The following RP1L1 variants were observed in gnomAD, a reference collection of about 807,000 sequenced individuals.
RP1L1 encodes retinitis pigmentosa 1-like 1 protein.
In RP1L1, 27 loss-of-function variants were observed where a neutral mutation model predicts 15.7. The ratio of observed to expected loss-of-function variants is 1.72; its 90% CI spans 1.27 to 2.38. The LOEUF (loss-of-function observed/expected upper bound fraction) is 2.38, where lower values mean the gene tolerates loss of function less well. Among genes scored for constraint, RP1L1 ranks in the 30% most tolerant of loss-of-function variants. RP1L1 has a pLI of 0.00. For synonymous variants in RP1L1, 1,813 were observed against 1,276.7 expected, an observed-to-expected ratio of 1.42 and a Z score of -8.96; for missense variants, 4,798 against 3,075.9, an observed-to-expected ratio of 1.56 and a Z score of -13.24.
At chr8:10,633,055 G>A (rs1458470884) in intron 1 of RP1L1, among the ~76,000 whole-genome samples, 4 of 152,204 alleles carry the variant, frequency 2.6e-5, no homozygotes, top group Non-Finnish European at 4.4e-5. Context: ...GAAGAGACAT[G>A]GGCAGTGTCC....
chr8:10,630,375 T>C (rs200790800), intron 1 of RP1L1, among the ~76,000 whole-genome samples: 2 of 152,324 alleles, frequency 1.3e-5, no homozygotes, highest in East Asian at 3.9e-4. Context: ...AGAGCTGAGT[T>C]CCAGGACTGT....
Position 10,609,248 on chromosome 8 carries a change from G to A in RP1L1, c.4850C>T (p.Ser1617Leu), listed in dbSNP as rs1468677540. The A allele has an allele frequency of 6.8e-6, 11 of 1,608,832 alleles. No individual in the cohort carries two copies. Among genetic ancestry groups the A allele is most frequent in the South Asian group, 1.1e-5 (1 of 91,026 alleles). The change falls in exon 4 of 4, where the codon TCG becomes TTG. Residue 1617 changes from serine to leucine, a missense_variant. Ser to Leu is a moderately radical substitution (Grantham distance 145). Coordinates refer to ENST00000382483, the MANE Select transcript of RP1L1 (RefSeq NM_178857.6). Reference protein sequence around the residue: ...RHRLRGLRNLSAFSERTLGLG... With the variant: ...RHRLRGLRNLLAFSERTLGLG... ...GCCCAGGGTCCGCTCAGAGAAGGCC[G>A]AGAGGTTTCGCAGGCCCCGGAGACG...
In RP1L1 at chr8:10,637,918, G is replaced by A. The variant is rs185461556; in HGVS notation, c.-19-14698C>T. On this transcript the variant is annotated intron_variant, in intron 1 of 3. Transcript: ENST00000382483. ...GGACTCTGTATCCTTCTGATAAGGA[G>A]CTAGTTCTTGGGACAGCCCCACCCT... is the stretch of plus-strand genomic sequence containing the variant. Among the ~76,000 whole-genome samples the A allele has an allele frequency of 3.2e-4, 48 of 152,332 alleles. 2 individuals are homozygous for A. Among genetic ancestry groups the A allele is most frequent in the Admixed American group, 2.5e-3 (38 of 15,300 alleles).
Position 10,613,066 on chromosome 8 carries a change from G to C in RP1L1, c.1032C>G (p.Gly344=). 1 of 1,613,680 alleles carries C rather than the reference G, an allele frequency of 6.2e-7. No homozygotes were observed. ...TGGCTGCCGTGAGGGCGCTGGCCCT[G>C]CCCATCCTCCGGGACCATAGGAGCG... ...EDTLLWSRRM[G]RASALTAASG... The change falls in exon 4 of 4, where the codon GGC becomes GGG. Residue 344 remains glycine, a synonymous_variant. Transcript: ENST00000382483.
chr8:10,619,161 T>A (rs1798019094), intron 2 of RP1L1, among the ~76,000 whole-genome samples: 1 of 152,210 alleles, frequency 6.6e-6, no homozygotes. Context: ...TGAGCCACCA[T>A]GACTGGCCCA....
Position 10,610,555 on chromosome 8 carries a change from C to A in RP1L1, c.3543G>T (p.Leu1181=). ...GLWELTWSQA[L]PDLGSHAMTE... The stretch of plus-strand genomic sequence containing the variant: ...TCATGGCATGGGACCCAAGGTCTGG[C>A]AGAGCCTGGCTCCATGTGAGCTCCC... Residue 1181 remains leucine (L), a synonymous_variant, in exon 4 of 4, where the codon CTG becomes CTT. Coordinates refer to ENST00000382483, the MANE Select transcript of RP1L1 (RefSeq NM_178857.6). The A allele has an allele frequency of 6.2e-7, 1 of 1,613,728 alleles. No homozygotes were observed. The highest frequency in any genetic ancestry group is 1.1e-5 in the South Asian group (1 of 91,076).
chr8:10,637,401 G>A (rs1798345941), intron 1 of RP1L1, among the ~76,000 whole-genome samples: 1 of 152,164 alleles, frequency 6.6e-6, no homozygotes, highest in African/African-American at 2.4e-5. Flanking sequence ...GTAGGGGCCA[G>A]AAAACTCCTC....
rs764856571 is a variant in RP1L1, at chr8:10,613,119, C to G, written c.979G>C (p.Val327Leu). 1.9e-6 allele frequency: 3 copies of G among 1,613,960 alleles called. No homozygotes were observed. Among genetic ancestry groups the G allele is most frequent in the Non-Finnish European group, 2.5e-6 (3 of 1,180,040 alleles). Reference protein sequence around the residue: ...EDGSLSVEMKVRFHLVGEDTL... With the variant: ...EDGSLSVEMKLRFHLVGEDTL... ...TCCTCGCCGACCAGGTGGAAGCGGACTTTCATCTCCACGGACAGGCTGCCG... is the reference window on the plus strand; with the variant it reads ...TCCTCGCCGACCAGGTGGAAGCGGAGTTTCATCTCCACGGACAGGCTGCCG... Residue 327 changes from valine to leucine, a missense_variant, in exon 4 of 4, where the codon GTC becomes CTC. Coordinates refer to ENST00000382483, the MANE Select transcript of RP1L1 (RefSeq NM_178857.6).
rs751906682 is a variant in RP1L1 at position 10,609,041 on chromosome 8, G to A, written c.5057C>T (p.Ala1686Val). 12 of 1,613,664 alleles carry A rather than the reference G, an allele frequency of 7.4e-6. No homozygotes were observed. The African/African-American group carries it at 9.3e-5, about 13-fold the overall frequency. The part of the protein sequence containing the change: ...MGATRGPIKE[A>V]FDLQQILQRK... ...CTGCAGAATCTGCTGCAGGTCAAAG[G>A]CCTCTTTGATGGGACCTCTGGTTGC... Residue 1686 changes from alanine (A) to valine (V), a missense_variant, in exon 4 of 4, where the codon GCC (alanine) becomes GTC (valine). Ala to Val is a moderately conservative substitution (Grantham distance 64). Transcript: ENST00000382483.
chr8:10,607,265 G>T lies in RP1L1; in HGVS notation c.6833C>A (p.Thr2278Asn), dbSNP rs1198999672. 1 of 1,614,080 alleles carries T rather than the reference G, an allele frequency of 6.2e-7. No homozygotes were observed. The highest frequency in any genetic ancestry group is 8.5e-7 in the Non-Finnish European group (1 of 1,180,002). ...SSSPVPEDRP[T>N]PPPSPGGDTP... is the part of the protein sequence containing the mutation. ...GTCTCCACCTGGGGAAGGGGGTGGA[G>T]TGGGCCTGTCCTCAGGGACTGGGCT... is the stretch of plus-strand genomic sequence containing the variant. Residue 2278 changes from threonine (T) to asparagine (N), a missense_variant, in exon 4 of 4, where the codon ACT (threonine) becomes AAT (asparagine). Thr to Asn is a moderately conservative substitution (Grantham distance 65). Transcript: ENST00000382483.
In RP1L1 at chr8:10,609,583, C is replaced by T. The variant is rs369405979; in HGVS notation, c.4515G>A (p.Ser1505=). 2.4e-5 allele frequency: 39 copies of T among 1,603,812 alleles called. No individual in the cohort carries two copies. Among genetic ancestry groups the T allele is most frequent in the African/African-American group, 1.7e-4 (13 of 74,872 alleles). ...AGTCCAGAGCCGCGCTGCAGGCCAC[C>T]GAAGAGCTCCTCTCTGCAGCCCCCT... ...PTQGAAERSS[S]VACSAALDCD... is the part of the protein sequence containing the mutation. The change falls in exon 4 of 4, where the codon TCG becomes TCA. Residue 1505 remains serine, a synonymous_variant. Transcript: ENST00000382483.
chr8:10,619,437 A>G (rs578147662), intron 2 of RP1L1, among the ~76,000 whole-genome samples: 1 of 152,292 alleles, frequency 6.6e-6, no homozygotes, highest in East Asian at 1.9e-4. Context: ...GATCCCAGCA[A>G]TGGTGGGGTA....
chr8:10,628,596 G>T (rs948993057), intron 1 of RP1L1, among the ~76,000 whole-genome samples: 4 of 152,148 alleles, frequency 2.6e-5, no homozygotes, highest in African/African-American at 9.7e-5. Context: ...GGAGCTCTGG[G>T]CTGGCCATGG....
At position 10,609,063 on chromosome 8, in the gene RP1L1, T is replaced by C. The variant is rs747943886; in HGVS notation, c.5035A>G (p.Thr1679Ala). 1.2e-6 allele frequency: 2 copies of C among 1,613,784 alleles called. No homozygotes were observed. The highest frequency in any genetic ancestry group is 2.2e-5 in the East Asian group (1 of 44,852). ...AAGGCCTCTTTGATGGGACCTCTGG[T>C]TGCCCCCATTGTGGCCTTGGGGGAC... ...PMSPKATMGA[T>A]RGPIKEAFDL... is the part of the protein sequence containing the mutation. Residue 1679 changes from threonine (T) to alanine (A), a missense_variant, in exon 4 of 4, where the codon ACC (threonine) becomes GCC (alanine). By Grantham distance (58) the Thr-to-Ala change is moderately conservative (BLOSUM62 0). Transcript: ENST00000382483.
chr8:10,653,119 C>T (rs1172797948), intron 1 of RP1L1, among the ~76,000 whole-genome samples: 2 of 152,202 alleles, frequency 1.3e-5, no homozygotes, highest in East Asian at 3.8e-4. Context: ...GATTGATTTA[C>T]TGACTAATTT....
At chr8:10,629,717 T>C (rs1412726845) in intron 1 of RP1L1, among the ~76,000 whole-genome samples, 2 of 152,160 alleles carry the variant, frequency 1.3e-5, no homozygotes, top group East Asian at 3.9e-4. Flanking sequence ...CACGCTGGCA[T>C]GGGGGCTCCA....
At position 10,613,324 on chromosome 8, in the gene RP1L1, C is replaced by T. The variant is rs1162006021; in HGVS notation, c.774G>A (p.Lys258=). 6.2e-7 allele frequency: 1 copy of T among 1,600,698 alleles called. No individual in the cohort carries two copies. Among genetic ancestry groups the T allele is most frequent in the South Asian group, 1.1e-5 (1 of 91,084 alleles). The change falls in exon 4 of 4, where the codon AAG becomes AAA. Residue 258 remains lysine (K), a synonymous_variant. Coordinates refer to ENST00000382483, the MANE Select transcript of RP1L1 (RefSeq NM_178857.6). The part of the protein sequence containing the change: ...NKNGSWGPKT[K]PSVIHSRSPP... The stretch of plus-strand genomic sequence containing the variant: ...GAGACCGCGAATGGATCACACTCGG[C>T]TTGGTCTTTGGCCCCCAGCTCCCTG...
At chr8:10,626,435 C>A (rs1228492646) in intron 1 of RP1L1, among the ~76,000 whole-genome samples, 1 of 152,132 alleles carries the variant, frequency 6.6e-6, no homozygotes, top group Non-Finnish European at 1.5e-5. Context: ...ACACGTGGGG[C>A]ATGCAGCCCC....
At position 10,609,304 on chromosome 8, in the gene RP1L1, C is replaced by T; in HGVS notation, c.4794G>A (p.Glu1598=). ...TGCGCTGCTGGGTCTGCAGGAGCAG[C>T]TCCCCGGTGAGGGCCTCCCTTGGAG... ...LEPPREALTG[E]LLLQTQQRRH... is the part of the protein sequence containing the mutation. The change falls in exon 4 of 4, where the codon GAG becomes GAA. Residue 1598 remains glutamate, a synonymous_variant. Coordinates refer to ENST00000382483, the MANE Select transcript of RP1L1 (RefSeq NM_178857.6). The T allele has an allele frequency of 6.2e-7, 1 of 1,611,374 alleles. No individual in the cohort carries two copies. The highest frequency in any genetic ancestry group is 1.1e-5 in the South Asian group (1 of 91,000).
Sources: allele counts gnomAD v4.1 joint callset (sites outside exome capture counted in the v4.1 genomes callset), GRCh38; gene constraint gnomAD v4.1.1; transcripts MANE v1.5; gene names NCBI Gene and HGNC (gene_info 2026-07-23, HGNC 2026-07-21).